Variants in TENM3 observed in about 807,000 individuals in gnomAD.
The protein encoded by TENM3 is teneurin-3.
TENM3 carries 63 observed loss-of-function variants against 255.1 expected under a neutral mutation model. That is an observed-to-expected ratio of 0.25 (90% CI 0.20 to 0.30). TENM3 has a LOEUF of 0.30. TENM3 is among the 10% of genes least tolerant of loss of function. The pLI is 1.00. For synonymous variants in TENM3, 1,306 were observed against 1,322.3 expected (o/e 0.99, Z 0.27); for missense variants, 2,929 against 3,461.1 (o/e 0.85, Z 3.86).
the TENM3 span, among the ~76,000 whole-genome samples, chr4:181,997,251 G>A: frequency 1.3e-5 from 2 of 152,110 alleles, no homozygotes; most frequent in African/African-American, 4.8e-5. Context: ...AGATGATAGT[G>A]GCCATTTTAT....
chr4:181,694,650 G>A, the TENM3 span, among the ~76,000 whole-genome samples: 1 of 152,128 alleles, frequency 6.6e-6, no homozygotes, highest in Non-Finnish European at 1.5e-5. Context: ...TGACTAAAAG[G>A]TCTGCTAGGA....
At chr4:182,240,651 G>A (rs531597495), upstream of TENM3, among the ~76,000 whole-genome samples, 4 of 152,266 alleles carry the variant, frequency 2.6e-5, no homozygotes, top group Non-Finnish European at 4.4e-5. Flanking sequence ...TTCTCCCTGC[G>A]AGTCCCGGCC....
chr4:182,064,361 G>A, the TENM3 span, among the ~76,000 whole-genome samples: 4 of 152,114 alleles, frequency 2.6e-5, no homozygotes, highest in African/African-American at 9.6e-5. Context: ...GGCGGATCAC[G>A]AGGTCAGGAG....
rs1352858703 is a variant in TENM3 at position 182,590,585 on chromosome 4, T to G, written c.512-10339T>G. On this transcript the variant is annotated intron_variant, in intron 3 of 27. Coordinates refer to ENST00000511685, the MANE Select transcript of TENM3 (RefSeq NM_001080477.4). The stretch of plus-strand genomic sequence containing the variant: ...AAGAAAAAGAAAAAGGTGGGCCAAG[T>G]GCAATGGCTCACGCCTATAATCCCA... Among the ~76,000 whole-genome samples the G allele has an allele frequency of 1.1e-4, 14 of 132,992 alleles. No homozygotes were observed. The South Asian group carries it at 1.7e-3, about 16-fold the overall frequency. 87.2% of individuals were successfully genotyped at this position (132,992 alleles called of 152,430 possible).
At chr4:182,152,714 CTAAAGA>C (rs1561142405) in intron 1 of TENM3, among the ~76,000 whole-genome samples, 1 of 150,034 alleles carries the variant, frequency 6.7e-6, no homozygotes, top group Non-Finnish European at 1.5e-5. Flanking sequence ...CAACACTTTA[CTAAAGA>C]TAAAGTACTT....
At chr4:181,548,196 T>G in the TENM3 span, among the ~76,000 whole-genome samples, 2 of 152,130 alleles carry the variant, frequency 1.3e-5, no homozygotes, top group African/African-American at 4.8e-5. Context: ...AATAGGAACA[T>G]TTTTACACTG....
intron 3 of TENM3, among the ~76,000 whole-genome samples, chr4:182,588,883 T>C (rs138315317): frequency 1.1e-3 from 160 of 152,268 alleles, no homozygotes; most frequent in Non-Finnish European, 1.5e-3. Flanking sequence ...TCAGAGTGCT[T>C]GACATTTAGA....
At chr4:181,453,748 C>T in the TENM3 span, among the ~76,000 whole-genome samples, 41 of 152,234 alleles carry the variant, frequency 2.7e-4, no homozygotes, top group African/African-American at 8.9e-4. Flanking sequence ...AGTCTTCACT[C>T]CAACCAATAA....
At chr4:181,650,425 T>G in the TENM3 span, among the ~76,000 whole-genome samples, 1 of 152,208 alleles carries the variant, frequency 6.6e-6, no homozygotes, top group Non-Finnish European at 1.5e-5. Flanking sequence ...TAGGGCTTGT[T>G]AGACCTTTTC....
chr4:182,773,688 C>T, intron 23 of TENM3, 41 bp downstream of exon 23: 1 of 1,570,040 alleles, frequency 6.4e-7, no homozygotes, highest in East Asian at 2.3e-5. Context: ...ACCACCAGCA[C>T]CCAGACAGAA....
intron 3 of TENM3, among the ~76,000 whole-genome samples, chr4:182,368,149 G>T (rs1373098808): frequency 6.6e-6 from 1 of 152,112 alleles, no homozygotes; most frequent in Non-Finnish European, 1.5e-5. Context: ...TAGATTTCCT[G>T]TACTCTTGAC....
At chr4:181,673,176 G>A in the TENM3 span, among the ~76,000 whole-genome samples, 358 of 152,282 alleles carry the variant, frequency 2.4e-3, 1 homozygote, top group African/African-American at 8.2e-3. Context: ...CCTGTTTTAT[G>A]CGTATACCTA....
the TENM3 span, among the ~76,000 whole-genome samples, chr4:181,929,918 A>G: frequency 1.1e-4 from 16 of 152,208 alleles, no homozygotes; most frequent in African/African-American, 3.9e-4. Flanking sequence ...AATCTGCTCC[A>G]GAGTGACTAC....
At chr4:182,000,661 A>G in the TENM3 span, among the ~76,000 whole-genome samples, 1 of 152,188 alleles carries the variant, frequency 6.6e-6, no homozygotes, top group African/African-American at 2.4e-5. Context: ...GTACAAATAT[A>G]GGCATTAAAA....
the TENM3 span, among the ~76,000 whole-genome samples, chr4:181,831,499 C>CAAAA: frequency 0.031 from 4,401 of 144,270 alleles, 130 homozygotes; most frequent in Non-Finnish European, 0.047. Context: ...GCCTATGTGC[C>CAAAA]AAAAAAAAAA....
chr4:182,801,054 A>G lies in TENM3; in HGVS notation c.*703A>G, dbSNP rs750174643. 4 of 152,664 alleles carry G rather than the reference A, an allele frequency of 2.6e-5. No homozygotes were observed. The highest frequency in any genetic ancestry group is 5.9e-5 in the Non-Finnish European group (4 of 68,048). 9.5% of individuals were successfully genotyped at this position (152,664 alleles called of 1,614,324 possible). On this transcript the variant is annotated 3_prime_UTR_variant, in exon 28 of 28. Transcript: ENST00000511685. ...TGAATTACAATTTACTGTACATCAAATCTTAGTCTCAGAGGAGTTAATTTA... is the reference window on the plus strand; with the variant it reads ...TGAATTACAATTTACTGTACATCAAGTCTTAGTCTCAGAGGAGTTAATTTA...
chr4:182,616,186 C>T (rs1184019566), intron 4 of TENM3, among the ~76,000 whole-genome samples: 3 of 152,172 alleles, frequency 2.0e-5, no homozygotes, highest in South Asian at 2.1e-4. Context: ...CTACCAAAAC[C>T]GGCGCTTCCT....
At chr4:181,695,698 A>G in the TENM3 span, among the ~76,000 whole-genome samples, 1 of 152,180 alleles carries the variant, frequency 6.6e-6, no homozygotes, top group Non-Finnish European at 1.5e-5. Flanking sequence ...AAGTCTTCCA[A>G]CTTCTAAGCC....
At chr4:182,554,062 A>G (rs1295663910) in intron 3 of TENM3, among the ~76,000 whole-genome samples, 1 of 152,222 alleles carries the variant, frequency 6.6e-6, no homozygotes, top group East Asian at 1.9e-4. Flanking sequence ...AAGTGTAAGT[A>G]CGTACATAGA....
Sources: allele counts gnomAD v4.1 joint callset (sites outside exome capture counted in the v4.1 genomes callset), GRCh38; gene constraint gnomAD v4.1.1; transcripts MANE v1.5; gene names NCBI Gene and HGNC (gene_info 2026-07-23, HGNC 2026-07-21).